CNN2: variants seen among roughly 807,000 people sequenced by gnomAD.
CNN2 encodes calponin-2.
CNN2 carries 21 observed loss-of-function variants against 31.0 expected under a neutral mutation model. That is an observed-to-expected ratio of 0.68 (90% CI 0.48 to 0.98). The LOEUF is 0.98. Among genes scored for constraint, CNN2 ranks in the 50% least tolerant of loss-of-function variants. CNN2 has a pLI of 0.00. For missense variants in CNN2, 399 were observed against 427.3 expected (o/e 0.93, Z 0.58); for synonymous variants, 165 against 179.6 (o/e 0.92, Z 0.65).
intron 1 of CNN2, among the ~76,000 whole-genome samples, chr19:1,030,304 C>T (rs932828063): frequency 3.3e-5 from 5 of 152,178 alleles, no homozygotes; most frequent in Admixed American, 2.0e-4. Context: ...CGGTCAGCCT[C>T]GGGGGCAGCT....
intron 4 of CNN2, among the ~76,000 whole-genome samples, chr19:1,035,304 A>C (rs1473690096): frequency 6.6e-6 from 1 of 152,088 alleles, no homozygotes; most frequent in African/African-American, 2.4e-5. Context: ...AAGGAACAGC[A>C]AGGTCTTGAC....
chr19:1,033,604 G>A (rs1013105312), intron 4 of CNN2, among the ~76,000 whole-genome samples: 2 of 152,172 alleles, frequency 1.3e-5, no homozygotes, highest in African/African-American at 4.8e-5. Context: ...TTCAAACCCA[G>A]ACCGGGAGCG....
At position 1,037,969 on chromosome 19, in the gene CNN2, C is replaced by CTTCTT; in HGVS notation, c.*71_*72insCTTTT. ...TTTTTGGGTTTTTCTGTGTTTTCAT[C>CTTCTT]TTTTTTTTTTTTTTCTTAACCCGTT... On this transcript the variant is annotated 3_prime_UTR_variant, in exon 7 of 7. Transcript: ENST00000263097. The CTTCTT allele has an allele frequency of 2.5e-6, 3 of 1,192,972 alleles. No individual in the cohort carries two copies. The highest frequency in any genetic ancestry group is 3.4e-5 in the South Asian group (2 of 59,578). 73.9% of individuals were successfully genotyped at this position (1,192,972 alleles called of 1,614,324 possible). A position where few individuals can be genotyped will look rare whatever the true frequency, so the allele number is the denominator to read the frequency against.
intron 1 of CNN2, among the ~76,000 whole-genome samples, chr19:1,030,442 C>T (rs1363980999): frequency 6.6e-6 from 1 of 151,976 alleles, no homozygotes; most frequent in African/African-American, 2.4e-5. Context: ...TTGGCTAACA[C>T]GGTGAAACCC....
At chr19:1,032,332 C>G in intron 2 of CNN2, 60 bp from the exon 3 acceptor site, 1 of 1,603,114 alleles carries the variant, frequency 6.2e-7, no homozygotes, top group South Asian at 1.1e-5. Context: ...ATCGGGTCTT[C>G]ACGGTTCCTC....
In CNN2 at chr19:1,026,691, C is replaced by T; in HGVS notation, c.30C>T (p.Pro10=). Residue 10 remains proline, a synonymous_variant, in exon 1 of 7, where the codon CCC becomes CCT. Coordinates refer to ENST00000263097, the MANE Select transcript of CNN2 (RefSeq NM_004368.4). ...GCTCCACGCAGTTCAACAAGGGCCC[C>T]TCGTACGGGCTGTCGGCCGAGGTCA... MSSTQFNKG[P]SYGLSAEVKN... 1.9e-6 allele frequency: 3 copies of T among 1,549,952 alleles called. No individual in the cohort carries two copies. The highest frequency in any genetic ancestry group is 2.6e-6 in the Non-Finnish European group (3 of 1,147,292).
intron 1 of CNN2, among the ~76,000 whole-genome samples, chr19:1,027,925 C>T (rs555991246): frequency 2.6e-4 from 40 of 152,350 alleles, no homozygotes; most frequent in African/African-American, 9.4e-4. Context: ...TGCAAGCCTT[C>T]AGACCAGCTC....
chr19:1,035,924 A>C, intron 4 of CNN2: 1 of 715,510 alleles, frequency 1.4e-6, no homozygotes, highest in South Asian at 3.9e-5. Context: ...TCCATCTCAA[A>C]AATAAAAATA....
chr19:1,037,794 C>T lies in CNN2; in HGVS notation c.824C>T (p.Pro275Leu), dbSNP rs370941672. 4.0e-5 allele frequency: 64 copies of T among 1,611,332 alleles called. No homozygotes were observed. The highest frequency in any genetic ancestry group is 5.1e-5 in the Non-Finnish European group (60 of 1,179,822). The stretch of plus-strand genomic sequence containing the variant: ...CAGATATATGACCCCAAGTACTGCC[C>T]GCAAGGCACAGTGGCCGATGGGGCT... Reference protein sequence around the residue: ...GRQIYDPKYCPQGTVADGAPS... With the variant: ...GRQIYDPKYCLQGTVADGAPS... The change falls in exon 7 of 7, where the codon CCG (proline) becomes CTG (leucine). Residue 275 changes from proline (P) to leucine (L), a missense_variant. Physicochemically the swap from Pro to Leu is moderately conservative, Grantham distance 98. Coordinates refer to ENST00000263097, the MANE Select transcript of CNN2 (RefSeq NM_004368.4).
chr19:1,027,008 A>G (rs961322177), intron 1 of CNN2: 8 of 379,796 alleles, frequency 2.1e-5, no homozygotes, highest in African/African-American at 1.3e-4. Context: ...TCCCCTCGCC[A>G]TGGCCCCAGG....
Position 1,037,681 on chromosome 19 carries a change from C to A in CNN2, c.711C>A (p.Thr237=). The part of the protein sequence containing the change: ...RRHIYDTKLG[T]DKCDNSSMSL... Reference sequence around the variant, plus strand: ...ACATCTATGATACCAAGCTGGGAACCGACAAGTGTGACAACTCCTCCATGT... The same window carrying A: ...ACATCTATGATACCAAGCTGGGAACAGACAAGTGTGACAACTCCTCCATGT... The change falls in exon 7 of 7, where the codon ACC becomes ACA. Residue 237 remains threonine, a synonymous_variant. Transcript: ENST00000263097. The A allele has an allele frequency of 1.2e-6, 2 of 1,611,430 alleles. No homozygotes were observed.
At chr19:1,032,261 CTG>C in intron 2 of CNN2, 129 bp from the exon 3 acceptor site, 1 of 861,580 alleles carries the variant, frequency 1.2e-6, no homozygotes, top group Non-Finnish European at 1.8e-6. Flanking sequence ...AGAGTGGAAA[CTG>C]AGGCCCAGAG....
At chr19:1,036,707 C>T (rs1286557012) in intron 6 of CNN2, 145 bp downstream of exon 6, 2 of 950,900 alleles carry the variant, frequency 2.1e-6, no homozygotes, top group African/African-American at 1.6e-5. Flanking sequence ...TCCCTCCCCG[C>T]TCTCTGTCTC....
intron 1 of CNN2, among the ~76,000 whole-genome samples, chr19:1,029,230 C>T (rs1247236341): frequency 2.2e-5 from 2 of 89,056 alleles, no homozygotes; most frequent in Non-Finnish European, 4.1e-5. Flanking sequence ...TAACCCAAAT[C>T]ATCCCAGGCA....
chr19:1,036,111 G>T lies in CNN2; in HGVS notation c.391-19G>T, dbSNP rs777333928. ...TGGCTGCCCTCTGCTGGTACTCCCGGCCCCTTTCCCTCACCCAGGCCAAGA... is the reference window on the plus strand; with the variant it reads ...TGGCTGCCCTCTGCTGGTACTCCCGTCCCCTTTCCCTCACCCAGGCCAAGA... On this transcript the variant is annotated intron_variant, in intron 4 of 6. Coordinates refer to ENST00000263097, the MANE Select transcript of CNN2 (RefSeq NM_004368.4). 1 of 1,589,104 alleles carries T rather than the reference G, an allele frequency of 6.3e-7. No individual in the cohort carries two copies. Among genetic ancestry groups the T allele is most frequent in the Non-Finnish European group, 8.6e-7 (1 of 1,166,520 alleles).
intron 4 of CNN2, among the ~76,000 whole-genome samples, chr19:1,035,394 G>C (rs1459061150): frequency 1.3e-5 from 2 of 152,072 alleles, no homozygotes; most frequent in African/African-American, 4.8e-5. Context: ...GTTTTCAGAT[G>C]CCCCCTGTGG....
intron 4 of CNN2, among the ~76,000 whole-genome samples, chr19:1,033,742 C>T (rs911715904): frequency 2.6e-5 from 2 of 78,224 alleles, no homozygotes; most frequent in East Asian, 4.2e-4. Context: ...CTGGTGTAGA[C>T]GGGGAGCGTG....
rs866224379 is a variant in CNN2 at position 1,032,560 on chromosome 19, T to C, written c.254T>C (p.Leu85Pro). ...INRSMQNWHQLENLSNFIKAM... is the reference protein window; with the variant it reads ...INRSMQNWHQPENLSNFIKAM... ...TGTCCCTCTCCTGCCTCTTCCCAGC[T>C]AGAAAACCTGTCCAACTTCATCAAG... Residue 85 changes from leucine (L) to proline (P), a missense_variant and splice_region_variant, in exon 4 of 7, where the codon CTA becomes CCA. Transcript: ENST00000263097. 6.2e-6 allele frequency: 10 copies of C among 1,613,364 alleles called. No homozygotes were observed. In the Middle Eastern group the frequency reaches 1.4e-3, roughly 221 times the overall value.
chr19:1,037,378 T>G lies in CNN2; in HGVS notation c.655-247T>G, dbSNP rs1292036009. ...GTCTTGAACTTCTGACCTCAGGTGA[T>G]CCTCCCACCTCAGCCTCCCGAGTAG... On this transcript the variant is annotated intron_variant, in intron 6 of 6. Coordinates refer to ENST00000263097, the MANE Select transcript of CNN2 (RefSeq NM_004368.4). The G allele has an allele frequency of 1.2e-5, 6 of 482,890 alleles. No homozygotes were observed. In the East Asian group the frequency reaches 2.2e-4, roughly 17 times the overall value. 29.9% of individuals were successfully genotyped at this position (482,890 alleles called of 1,614,324 possible). A position where few individuals can be genotyped will look rare whatever the true frequency, so the allele number is the denominator to read the frequency against.
Sources: allele counts gnomAD v4.1 joint callset (sites outside exome capture counted in the v4.1 genomes callset), GRCh38; gene constraint gnomAD v4.1.1; transcripts MANE v1.5; gene names NCBI Gene and HGNC (gene_info 2026-07-23, HGNC 2026-07-21).